RPS29: variants seen among roughly 807,000 people sequenced by gnomAD.
RPS29 encodes the protein ribosomal protein S29, also known as small ribosomal subunit protein uS14.
For synonymous variants in RPS29, 37 were observed against 26.9 expected (o/e 1.37, Z -1.16); for missense variants, 60 against 75.7 (o/e 0.79, Z 0.77).
chr14:49,583,644 A>G lies in RPS29; in HGVS notation c.*23T>C. On this transcript the variant is annotated 3_prime_UTR_variant, in exon 3 of 3. Transcript: ENST00000245458. ...GTTTTTCATTGAGTAGATGCCCCGG[A>G]TAATCCTCTGAAGGAAGAGCATTTA... 1 of 1,582,330 alleles carries G rather than the reference A, an allele frequency of 6.3e-7. No individual in the cohort carries two copies. The highest frequency in any genetic ancestry group is 1.4e-5 in the African/African-American group (1 of 73,174).
At chr14:49,577,407 A>G (rs1881213115) in exon 3 of RPS29, 1 of 273,008 alleles carries the variant, frequency 3.7e-6, no homozygotes, top group Non-Finnish European at 7.1e-6. Flanking sequence ...CACTTTCTGC[A>G]CTGTGCAGGC....
At chr14:49,594,654 A>T (rs576500707) in intron 1 of RPS29, among the ~76,000 whole-genome samples, 23 of 152,376 alleles carry the variant, frequency 1.5e-4, no homozygotes, top group Admixed American at 9.1e-4. Flanking sequence ...TCATGTTTGT[A>T]TGTCTGAGAT....
chr14:49,582,856 C>A (rs1426243397), downstream of RPS29, among the ~76,000 whole-genome samples: 1 of 152,154 alleles, frequency 6.6e-6, no homozygotes, highest in Non-Finnish European at 1.5e-5. Context: ...ACACACTATA[C>A]CTACACTTCA....
At chr14:49,578,066 A>C (rs1881234543) in intron 2 of RPS29, among the ~76,000 whole-genome samples, 1 of 152,290 alleles carries the variant, frequency 6.6e-6, no homozygotes, top group East Asian at 1.9e-4. Context: ...TACTGGAAAT[A>C]AGAAGATTCT....
intron 2 of RPS29, among the ~76,000 whole-genome samples, chr14:49,578,098 T>C (rs945194264): frequency 6.6e-6 from 1 of 151,890 alleles, no homozygotes; most frequent in Non-Finnish European, 1.5e-5. Context: ...AGAGCCTTCA[T>C]GCCTAAATAT....
exon 3 of RPS29, chr14:49,573,929 C>A (rs1166655128): frequency 6.6e-6 from 1 of 152,178 alleles, no homozygotes; most frequent in Non-Finnish European, 1.5e-5. Flanking sequence ...CTATGAAATT[C>A]AACTAAACAG....
chr14:49,575,215 G>C (rs1480594017), exon 3 of RPS29: 1 of 152,170 alleles, frequency 6.6e-6, no homozygotes, highest in Non-Finnish European at 1.5e-5. Context: ...TAATTTTTTT[G>C]TATTTTTAGT....
chr14:49,589,606 A>T (rs1348119590), upstream of RPS29, among the ~76,000 whole-genome samples: 1 of 152,248 alleles, frequency 6.6e-6, no homozygotes. Flanking sequence ...TTACTTCAGC[A>T]CTGTGGAAAG....
intron 2 of RPS29, 91 bp from the exon 3 acceptor site, chr14:49,583,766 G>T: frequency 1.2e-6 from 1 of 822,394 alleles, no homozygotes. Flanking sequence ...GAATGTTATA[G>T]AATTACAGAA....
exon 3 of RPS29, chr14:49,575,755 TAGG>T (rs1881163075): frequency 6.6e-6 from 1 of 151,978 alleles, no homozygotes; most frequent in African/African-American, 2.4e-5. Flanking sequence ...GAGTCTGAGG[TAGG>T]AGGATTACTT....
chr14:49,586,066 A>T lies in RPS29; in HGVS notation c.63-17T>A. ...CAGACACGACTGTAAGAAAAGAGAC[A>T]GCGGTTTTGCAGGTCATAGAAATTA... is the stretch of plus-strand genomic sequence containing the variant. On this transcript the variant is annotated splice_polypyrimidine_tract_variant and intron_variant, in intron 1 of 2. Transcript: ENST00000245458. The T allele has an allele frequency of 6.2e-7, 1 of 1,608,306 alleles. No homozygotes were observed. The highest frequency in any genetic ancestry group is 8.5e-7 in the Non-Finnish European group (1 of 1,174,956).
chr14:49,594,743 G>GA (rs1477486473), intron 1 of RPS29, among the ~76,000 whole-genome samples: 4 of 152,236 alleles, frequency 2.6e-5, no homozygotes, highest in African/African-American at 9.6e-5. Context: ...CCTTTGCACA[G>GA]TTGGCAGGTT....
At position 49,584,776 on chromosome 14, in the gene RPS29, AAT is replaced by A. The variant is rs1342129165; in HGVS notation, c.163-1103_163-1102del. Among the ~76,000 whole-genome samples, 251 of 145,514 alleles carry A rather than the reference AAT, an allele frequency of 1.7e-3. 1 individual carries two copies. The highest frequency in any genetic ancestry group is 6.0e-3 in the African/African-American group (235 of 39,220). On this transcript the variant is annotated intron_variant, in intron 2 of 2. Coordinates refer to ENST00000245458, the MANE Select transcript of RPS29 (RefSeq NM_001032.5). ...GACCCAATTTCAAAACAAAAAAAAA[AAT>A]TTACATCATTATAGAACAGTACTAT...
At chr14:49,592,674 C>T (rs368553071) in intron 1 of RPS29, among the ~76,000 whole-genome samples, 2 of 150,792 alleles carry the variant, frequency 1.3e-5, no homozygotes, top group African/African-American at 2.4e-5. Context: ...TTTGGGAGGC[C>T]GAGACGCGTG....
chr14:49,577,615 C>G (rs1290745592), exon 3 of RPS29: 2 of 696,266 alleles, frequency 2.9e-6, no homozygotes, highest in African/African-American at 3.5e-5. Flanking sequence ...CTTTTTGTTT[C>G]TCCCATAACC....
chr14:49,579,729 T>C (rs1881284288), downstream of RPS29, among the ~76,000 whole-genome samples: 1 of 152,150 alleles, frequency 6.6e-6, no homozygotes, highest in Non-Finnish European at 1.5e-5. Flanking sequence ...TGCATGTAAA[T>C]ATGAAAGGAA....
downstream of RPS29, among the ~76,000 whole-genome samples, chr14:49,582,012 C>CAAAAAAAAAAAAAAAAAAA (rs58507206): frequency 3.8e-5 from 4 of 106,510 alleles, no homozygotes; most frequent in Admixed American, 1.1e-4. Flanking sequence ...CCCTGCCCCC[C>CAAAAAAAAAAAAAAAAAAA]AAAAAAAAAA....
chr14:49,592,563 CTCCATGTTGGTCAGGCTGG>C (rs1881737768), intron 1 of RPS29, among the ~76,000 whole-genome samples: 1 of 148,206 alleles, frequency 6.7e-6, no homozygotes, highest in South Asian at 2.4e-4. Flanking sequence ...GACGGGGTTT[CTCCATGTTGGTCAGGCTGG>C]TCTTGAACCC....
rs199734896 is a variant in RPS29 at position 49,595,204 on chromosome 14, T to TA, written c.-133+3195dup. Among the ~76,000 whole-genome samples, 78 of 147,726 alleles carry TA rather than the reference T, an allele frequency of 5.3e-4. 1 individual carries two copies. Among genetic ancestry groups the TA allele is most frequent in the Admixed American group, 1.9e-3 (28 of 14,766 alleles). ...TTGAGTCTTAGATGATGTTTACCACTAAAAAAAAAACTAACTCCAACATCT... is the reference window on the plus strand; with the variant it reads ...TTGAGTCTTAGATGATGTTTACCACTAAAAAAAAAAACTAACTCCAACATCT... On this transcript the variant is annotated intron_variant, in intron 1 of 3. Transcript: ENST00000556230.
Sources: allele counts gnomAD v4.1 joint callset (sites outside exome capture counted in the v4.1 genomes callset), GRCh38; gene constraint gnomAD v4.1.1; transcripts MANE v1.5; gene names NCBI Gene and HGNC (gene_info 2026-07-23, HGNC 2026-07-21).